The following CTNNA3 variants were observed in gnomAD, a reference collection of about 807,000 sequenced individuals.
CTNNA3 encodes catenin alpha 3.
In CTNNA3, 76 loss-of-function variants were observed where a neutral mutation model predicts 95.7. That is an observed-to-expected ratio of 0.79 (90% CI 0.66 to 0.96). The LOEUF (loss-of-function observed/expected upper bound fraction) is 0.96, where lower values mean the gene tolerates loss of function less well. Ranked by LOEUF, CTNNA3 falls within the 40% of genes least tolerant of loss-of-function variation. The probability of loss-of-function intolerance (pLI) is 0.00; values close to 1 mark genes in which losing one functional copy is unlikely to be tolerated. For synonymous variants in CTNNA3, 431 were observed against 374.4 expected, an observed-to-expected ratio of 1.15 and a Z score of -1.74; for missense variants, 1,191 against 1,089.8, an observed-to-expected ratio of 1.09 and a Z score of -1.31.
At chr10:67,624,569 T>C (rs953068520) in intron 2 of CTNNA3, among the ~76,000 whole-genome samples, 5 of 152,200 alleles carry the variant, frequency 3.3e-5, no homozygotes, top group Non-Finnish European at 7.3e-5. Context: ...TCTTTTCTCC[T>C]GTTAATCTGC....
intron 1 of CTNNA3, among the ~76,000 whole-genome samples, chr10:67,760,453 ATGT>A (rs1841456438): frequency 6.6e-6 from 1 of 152,164 alleles, no homozygotes; most frequent in Admixed American, 6.5e-5. Flanking sequence ...ACTTAATGAT[ATGT>A]TCTGAAAAAT....
chr10:67,746,558 A>G (rs1336761127), intron 1 of CTNNA3, among the ~76,000 whole-genome samples: 2 of 152,166 alleles, frequency 1.3e-5, no homozygotes, highest in Non-Finnish European at 1.5e-5. Flanking sequence ...AAAGAAAAGC[A>G]GAGTGGTGCC....
intron 3 of CTNNA3, among the ~76,000 whole-genome samples, chr10:67,593,589 A>AT (rs758448532): frequency 4.6e-5 from 7 of 152,160 alleles, no homozygotes; most frequent in Non-Finnish European, 8.8e-5. Context: ...AATGCTGGTG[A>AT]TTTTTGTATG....
chr10:66,086,338 G>T (rs1037326126), intron 14 of CTNNA3, among the ~76,000 whole-genome samples: 4 of 152,080 alleles, frequency 2.6e-5, no homozygotes, highest in Admixed American at 2.0e-4. Context: ...GAATCTTTCA[G>T]GAAGATATAT....
At chr10:66,326,706 G>T (rs981062326) in intron 12 of CTNNA3, among the ~76,000 whole-genome samples, 12 of 151,920 alleles carry the variant, frequency 7.9e-5, no homozygotes, top group Admixed American at 2.6e-4. Context: ...TGTATTGGGG[G>T]TAGCGGGAGA....
intron 10 of CTNNA3, among the ~76,000 whole-genome samples, chr10:66,620,444 T>C (rs1039903938): frequency 1.3e-5 from 2 of 152,168 alleles, no homozygotes; most frequent in African/African-American, 4.8e-5. Flanking sequence ...GCAAAAAGAA[T>C]GTTCTCACTA....
At chr10:66,207,728 T>A (rs2087852384) in intron 13 of CTNNA3, among the ~76,000 whole-genome samples, 1 of 152,064 alleles carries the variant, frequency 6.6e-6, no homozygotes, top group South Asian at 2.1e-4. Flanking sequence ...AATATAATAA[T>A]CGCTTTCTAA....
intron 13 of CTNNA3, among the ~76,000 whole-genome samples, chr10:66,191,634 C>G (rs1251961351): frequency 6.6e-6 from 1 of 151,650 alleles, no homozygotes; most frequent in Non-Finnish European, 1.5e-5. Context: ...AAAAAAAACT[C>G]CTGTAGCACC....
At chr10:67,750,329 G>C (rs1589588986) in intron 1 of CTNNA3, 1 of 1,523,554 alleles carries the variant, frequency 6.6e-7, no homozygotes, top group East Asian at 2.3e-5. Context: ...GATGCCCATT[G>C]TGGGCCTGGG....
chr10:66,040,429 A>G (rs941646752), intron 15 of CTNNA3, among the ~76,000 whole-genome samples: 20 of 152,158 alleles, frequency 1.3e-4, no homozygotes, highest in Admixed American at 9.2e-4. Context: ...ATGCACGTGT[A>G]TGTTCATTGC....
intron 5 of CTNNA3, among the ~76,000 whole-genome samples, chr10:67,238,142 A>C (rs1865576897): frequency 6.6e-6 from 1 of 152,184 alleles, no homozygotes; most frequent in African/African-American, 2.4e-5. Context: ...TAATCTGCCA[A>C]ATGTAATATA....
chr10:67,519,637 G>C (rs573829818), intron 5 of CTNNA3, among the ~76,000 whole-genome samples: 1 of 152,252 alleles, frequency 6.6e-6, no homozygotes, highest in South Asian at 2.1e-4. Flanking sequence ...AGGAGCACTG[G>C]AGAGGATACA....
chr10:66,318,276 A>ATGTGTG (rs138734509), intron 12 of CTNNA3, among the ~76,000 whole-genome samples: 36 of 136,654 alleles, frequency 2.6e-4, no homozygotes, highest in African/African-American at 7.0e-4. Flanking sequence ...ATATATATAT[A>ATGTGTG]TGTGTGTGTG....
At chr10:67,419,663 C>T (rs183802684) in intron 5 of CTNNA3, among the ~76,000 whole-genome samples, 61 of 152,286 alleles carry the variant, frequency 4.0e-4, no homozygotes, top group African/African-American at 1.4e-3. Context: ...AACAGTTGGT[C>T]TTCAGAAATT....
intron 12 of CTNNA3, among the ~76,000 whole-genome samples, chr10:66,375,133 A>T (rs1319626562): frequency 6.6e-6 from 1 of 152,092 alleles, no homozygotes; most frequent in Non-Finnish European, 1.5e-5. Context: ...GAGATATTTA[A>T]AAAGAGAGTG....
chr10:67,533,990 T>C (rs1840415216), intron 4 of CTNNA3, among the ~76,000 whole-genome samples: 1 of 151,724 alleles, frequency 6.6e-6, no homozygotes, highest in Non-Finnish European at 1.5e-5. Flanking sequence ...CTCAGAGGAA[T>C]TCTTTAATGC....
At chr10:67,250,872 C>G (rs1055907653) in intron 5 of CTNNA3, among the ~76,000 whole-genome samples, 4 of 152,168 alleles carry the variant, frequency 2.6e-5, no homozygotes, top group African/African-American at 9.7e-5. Flanking sequence ...TCACTCATTT[C>G]TAGGCTGACT....
At chr10:67,330,303 T>C (rs887136733) in intron 5 of CTNNA3, among the ~76,000 whole-genome samples, 2 of 152,200 alleles carry the variant, frequency 1.3e-5, no homozygotes, top group African/African-American at 2.4e-5. Context: ...CCAGCCATGC[T>C]GTAGGAGGCA....
chr10:67,652,273 A>G (rs968253440), intron 1 of CTNNA3, among the ~76,000 whole-genome samples: 5 of 152,186 alleles, frequency 3.3e-5, no homozygotes, highest in African/African-American at 2.4e-5. Context: ...ATTTCAACAC[A>G]TGGATTTGCA....
Sources: gnomAD v4.1 joint callset for allele counts (sites outside exome capture counted in the v4.1 genomes callset) on GRCh38, gnomAD v4.1.1 for gene constraint, MANE v1.5 for transcripts, NCBI Gene and HGNC (gene_info 2026-07-23, HGNC 2026-07-21) for gene names.